Variants in TRIM8 observed in about 807,000 individuals in gnomAD.
The protein encoded by TRIM8 is E3 ubiquitin-protein ligase TRIM8.
Under a neutral mutation model 55.7 loss-of-function variants are expected in TRIM8, and 9 were observed. That is an observed-to-expected ratio of 0.16 (90% CI 0.10 to 0.28). The LOEUF (loss-of-function observed/expected upper bound fraction) is 0.28, where lower values mean the gene tolerates loss of function less well. Ranked by LOEUF, TRIM8 falls within the 10% of genes least tolerant of loss-of-function variation. The probability of loss-of-function intolerance (pLI) is 1.00; values close to 1 mark genes in which losing one functional copy is unlikely to be tolerated. For missense variants in TRIM8, 556 were observed against 736.4 expected (o/e 0.76, Z 2.83); for synonymous variants, 335 against 333.3 (o/e 1.01, Z -0.06).
At chr10:102,650,501 G>A (rs1209902334) in intron 1 of TRIM8, among the ~76,000 whole-genome samples, 1 of 152,124 alleles carries the variant, frequency 6.6e-6, no homozygotes, top group Non-Finnish European at 1.5e-5. Flanking sequence ...GGTCCTCCCT[G>A]GGCCCCACCT....
intron 3 of TRIM8, 119 bp downstream of exon 3, chr10:102,655,432 T>C: frequency 1.1e-6 from 1 of 935,540 alleles, no homozygotes; most frequent in Non-Finnish European, 1.6e-6. Context: ...ATGCATGGGT[T>C]CAAATCCACC....
In TRIM8 at chr10:102,658,072, T is replaced by TA. The variant is rs1292359396; in HGVS notation, c.*720dup. ...CAGCAAAAGCAAATAATAATAATAT[T>TA]AATAATAATAAAGAGAAATAAAATA... On this transcript the variant is annotated 3_prime_UTR_variant, in exon 6 of 6. Coordinates refer to ENST00000643721, the MANE Select transcript of TRIM8 (RefSeq NM_030912.3). The TA allele has an allele frequency of 6.6e-6, 1 of 151,700 alleles. No individual in the cohort carries two copies. Among genetic ancestry groups the TA allele is most frequent in the African/African-American group, 2.4e-5 (1 of 41,280 alleles). 9.4% of individuals were successfully genotyped at this position (151,700 alleles called of 1,614,324 possible). A position where few individuals can be genotyped will look rare whatever the true frequency, so the allele number is the denominator to read the frequency against.
chr10:102,655,731 A>G (rs2064018446), intron 3 of TRIM8, among the ~76,000 whole-genome samples: 1 of 152,150 alleles, frequency 6.6e-6, no homozygotes, highest in Non-Finnish European at 1.5e-5. Flanking sequence ...CTTGCTGGGG[A>G]TGATAATGTA....
Position 102,656,462 on chromosome 10 carries a change from A to G in TRIM8, c.1048+77A>G, listed in dbSNP as rs1480908362. The G allele has an allele frequency of 1.3e-6, 2 of 1,540,378 alleles. No individual in the cohort carries two copies. The highest frequency in any genetic ancestry group is 2.7e-5 in the African/African-American group (2 of 72,936). ...TCAGCGCCACAGCCTTCCCTCCAAGAGGCAGTGTGGCCCAGTCTGGGAGAC... is the reference window on the plus strand; with the variant it reads ...TCAGCGCCACAGCCTTCCCTCCAAGGGGCAGTGTGGCCCAGTCTGGGAGAC... On this transcript the variant is annotated intron_variant, in intron 5 of 5. Coordinates refer to ENST00000643721, the MANE Select transcript of TRIM8 (RefSeq NM_030912.3). The surrounding 1 kb of genome is among the most constrained non-coding windows in gnomAD (Gnocchi z 4.6).
rs761104603 is a variant in TRIM8, at chr10:102,656,904, G to A, written c.1206G>A (p.Ala402=). The A allele has an allele frequency of 8.8e-6, 14 of 1,596,730 alleles. No homozygotes were observed. In the South Asian group the frequency reaches 1.2e-4, roughly 14 times the overall value. The change falls in exon 6 of 6, where the codon GCG becomes GCA. Residue 402 remains alanine, a synonymous_variant. Transcript: ENST00000643721. This position sits in a 1 kb window ranked among gnomAD's most constrained non-coding sequence, Gnocchi z 4.6. ...GCCCTGTGGGCGGCCAGTACGGGGC[G>A]GCGGGCACAGCCAGCGGTGAGGGCC... ...SSGPVGGQYG[A]AGTASGEGQS...
In TRIM8 at chr10:102,657,394, C is replaced by T. The variant is rs1332150817; in HGVS notation, c.*40C>T. 6.6e-7 allele frequency: 1 copy of T among 1,522,710 alleles called. No individual in the cohort carries two copies. The highest frequency in any genetic ancestry group is 8.8e-7 in the Non-Finnish European group (1 of 1,134,560). The allele number at this position is 1,522,710 out of a possible 1,614,324, so 94.3% of individuals were successfully genotyped here. A position where few individuals can be genotyped will look rare whatever the true frequency, so the allele number is the denominator to read the frequency against. ...CGGGGCGCTGGGGAATCTTCCTCCC[C>T]AGCCCCCGGGCTCGGGAGTTATGCA... is the stretch of plus-strand genomic sequence containing the variant. On this transcript the variant is annotated 3_prime_UTR_variant, in exon 6 of 6. Transcript: ENST00000643721.
chr10:102,654,737 C>A lies in TRIM8; in HGVS notation c.655C>A (p.Arg219Ser). 1 of 1,613,860 alleles carries A rather than the reference C, an allele frequency of 6.2e-7. No homozygotes were observed. The highest frequency in any genetic ancestry group is 8.5e-7 in the Non-Finnish European group (1 of 1,179,750). Reference protein sequence around the residue: ...DQLYKLESDKRLVEEKVNQLK... With the variant: ...DQLYKLESDKSLVEEKVNQLK... ...GCTGTACAAACTCGAGTCAGACAAG[C>A]GCCTGGTGGAGGTAGCTAAGCCCAA... Residue 219 changes from arginine (R) to serine (S), a missense_variant, in exon 2 of 6, where the codon CGC (arginine) becomes AGC (serine). Arg to Ser is a moderately radical substitution (Grantham distance 110). Around this residue, in one of 2 missense-constraint regions of TRIM8, gnomAD observed 391 missense variants for 441.0 expected, o/e 0.89. Transcript: ENST00000643721.
At position 102,654,692 on chromosome 10, in the gene TRIM8, G is replaced by A; in HGVS notation, c.610G>A (p.Glu204Lys). The A allele has an allele frequency of 6.2e-7, 1 of 1,614,220 alleles. No homozygotes were observed. The highest frequency in any genetic ancestry group is 8.5e-7 in the Non-Finnish European group (1 of 1,180,018). The part of the protein sequence containing the change: ...MKQQDRLEER[E>K]QDIEDQLYKL... Reference sequence around the variant, plus strand: ...GCAGCAGGACCGGCTGGAGGAGCGAGAGCAGGACATTGAGGACCAGCTGTA... The same window carrying A: ...GCAGCAGGACCGGCTGGAGGAGCGAAAGCAGGACATTGAGGACCAGCTGTA... Residue 204 changes from glutamate (E) to lysine (K), a missense_variant, in exon 2 of 6, where the codon GAG becomes AAG. Coordinates refer to ENST00000643721, the MANE Select transcript of TRIM8 (RefSeq NM_030912.3).
At position 102,656,430 on chromosome 10, in the gene TRIM8, G is replaced by A. The variant is rs1217055778; in HGVS notation, c.1048+45G>A. On this transcript the variant is annotated intron_variant, in intron 5 of 5. Coordinates refer to ENST00000643721, the MANE Select transcript of TRIM8 (RefSeq NM_030912.3). The surrounding 1 kb of genome is among the most constrained non-coding windows in gnomAD (Gnocchi z 4.6). ...CCGAAGGGAGACAGGGACCTTTGGG[G>A]AGGGGTTCAGCGCCACAGCCTTCCC... 6.4e-7 allele frequency: 1 copy of A among 1,574,756 alleles called. No homozygotes were observed. Among genetic ancestry groups the A allele is most frequent in the Non-Finnish European group, 8.6e-7 (1 of 1,158,792 alleles).
intron 2 of TRIM8, 97 bp downstream of exon 2, chr10:102,654,845 C>T (rs1449429447): frequency 7.9e-6 from 8 of 1,017,012 alleles, no homozygotes; most frequent in Non-Finnish European, 1.3e-5. Flanking sequence ...AGCCCTATGC[C>T]AGAACCACTC....
chr10:102,657,812 T>G lies in TRIM8; in HGVS notation c.*458T>G, dbSNP rs966795103. 6.3e-6 allele frequency: 1 copy of G among 157,624 alleles called. No homozygotes were observed. The highest frequency in any genetic ancestry group is 2.4e-5 in the African/African-American group (1 of 41,562). The allele number at this position is 157,624 out of a possible 1,614,324, so 9.8% of individuals were successfully genotyped here. A position where few individuals can be genotyped will look rare whatever the true frequency, so the allele number is the denominator to read the frequency against. On this transcript the variant is annotated 3_prime_UTR_variant, in exon 6 of 6. Coordinates refer to ENST00000643721, the MANE Select transcript of TRIM8 (RefSeq NM_030912.3). The stretch of plus-strand genomic sequence containing the variant: ...TTTTCCTTTTGGGCAGTTTGATCAC[T>G]GATCGAGTAAGGAATGACCTTTAGA...
intron 1 of TRIM8, chr10:102,649,278 G>A (rs2063961895): frequency 6.6e-6 from 1 of 152,408 alleles, no homozygotes; most frequent in Non-Finnish European, 1.5e-5. Flanking sequence ...TGCCCGCTCA[G>A]GTGATCCTTG....
chr10:102,647,599 CAG>C (rs548823892), intron 1 of TRIM8, among the ~76,000 whole-genome samples: 32 of 152,172 alleles, frequency 2.1e-4, no homozygotes, highest in South Asian at 4.2e-4. Context: ...GTAGGCCAAA[CAG>C]GGGGAGTGGG....
chr10:102,652,804 C>CTTT (rs11455358), intron 1 of TRIM8, among the ~76,000 whole-genome samples: 1 of 144,110 alleles, frequency 6.9e-6, no homozygotes, highest in Non-Finnish European at 1.5e-5. Flanking sequence ...CGATACTTAA[C>CTTT]TTTTTTTTTT....
intron 3 of TRIM8, among the ~76,000 whole-genome samples, chr10:102,655,574 T>C (rs1420690669): frequency 6.6e-6 from 1 of 152,144 alleles, no homozygotes; most frequent in Non-Finnish European, 1.5e-5. Flanking sequence ...TTTATAAACA[T>C]CTCTGGAAAC....
At chr10:102,648,444 T>C (rs1320578125) in intron 1 of TRIM8, among the ~76,000 whole-genome samples, 1 of 152,132 alleles carries the variant, frequency 6.6e-6, no homozygotes, top group Non-Finnish European at 1.5e-5. Flanking sequence ...AGGCCAGACA[T>C]GTTGCTAGGG....
chr10:102,654,603 A>G (rs1303478232), intron 1 of TRIM8, 50 bp from the exon 2 acceptor site: 1 of 1,399,696 alleles, frequency 7.1e-7, no homozygotes, highest in Non-Finnish European at 1.0e-6. Context: ...AGCATGGGTC[A>G]GGGTTGGAGC....
Position 102,656,316 on chromosome 10 carries a change from C to A in TRIM8, c.979C>A (p.His327Asn). Reference sequence around the variant, plus strand: ...CAGCCTTTCCCCCACTAAGATCGGCCACCTGAACTCCAAGCTCTTCCTGAA... The same window carrying A: ...CAGCCTTTCCCCCACTAAGATCGGCAACCTGAACTCCAAGCTCTTCCTGAA... ...SSSLSPTKIGHLNSKLFLNEV... is the reference protein window; with the variant it reads ...SSSLSPTKIGNLNSKLFLNEV... The change falls in exon 5 of 6, where the codon CAC (histidine) becomes AAC (asparagine). Residue 327 changes from histidine (H) to asparagine (N), a missense_variant. This residue lies in a region of TRIM8 where 391 missense variants were observed against 441.0 expected (regional missense o/e 0.89). Coordinates refer to ENST00000643721, the MANE Select transcript of TRIM8 (RefSeq NM_030912.3). This position sits in a 1 kb window ranked among gnomAD's most constrained non-coding sequence, Gnocchi z 4.6. 1.2e-6 allele frequency: 2 copies of A among 1,614,198 alleles called. No homozygotes were observed. The highest frequency in any genetic ancestry group is 1.7e-6 in the Non-Finnish European group (2 of 1,180,032).
At chr10:102,646,167 G>A (rs770709224) in intron 1 of TRIM8, among the ~76,000 whole-genome samples, 3 of 152,116 alleles carry the variant, frequency 2.0e-5, no homozygotes, top group Non-Finnish European at 4.4e-5. Flanking sequence ...CAATACTTCC[G>A]TCCCCTTCAG....
Sources: allele counts gnomAD v4.1 joint callset (sites outside exome capture counted in the v4.1 genomes callset), GRCh38; gene constraint gnomAD v4.1.1; regional missense constraint gnomAD v4.1.1; non-coding constraint Gnocchi (gnomAD v3.1); transcripts MANE v1.5; gene names NCBI Gene and HGNC (gene_info 2026-07-23, HGNC 2026-07-21).